Variants in TRMT61B observed in about 807,000 individuals in gnomAD.
TRMT61B encodes the protein tRNA (adenine(58)-N(1))-methyltransferase, mitochondrial.
TRMT61B carries 56 observed loss-of-function variants against 52.0 expected under a neutral mutation model. The observed-to-expected ratio is 1.08, with a 90% CI of 0.87 to 1.35. The LOEUF (loss-of-function observed/expected upper bound fraction) is 1.35. TRMT61B is among the 40% of genes most tolerant of loss of function. TRMT61B has a pLI of 0.00. For missense variants in TRMT61B, 650 were observed against 577.9 expected, an observed-to-expected ratio of 1.12 and a Z score of -1.28; for synonymous variants, 206 against 220.0, an observed-to-expected ratio of 0.94 and a Z score of 0.56.
chr2:28,869,753 G>T lies in TRMT61B; in HGVS notation c.525C>A (p.Asn175Lys), dbSNP rs751427115. The T allele has an allele frequency of 6.2e-7, 1 of 1,614,042 alleles. No individual in the cohort carries two copies. The highest frequency in any genetic ancestry group is 1.3e-5 in the African/African-American group (1 of 74,916). Residue 175 changes from asparagine (N) to lysine (K), a missense_variant, in exon 1 of 7, where the codon AAC becomes AAA. Asn to Lys is a moderately conservative substitution (Grantham distance 94). Coordinates refer to ENST00000306108, the MANE Select transcript of TRMT61B (RefSeq NM_017910.4). ...ETKFKKLFRL[N>K]NFGLLNSNWG... ...AGTTACTATTTAAGAGTCCGAAGTT[G>T]TTCAACCTAAATAATTTCTTAAATT...
chr2:28,869,483 T>C (rs1669989176), intron 1 of TRMT61B, 96 bp downstream of exon 1: 1 of 835,354 alleles, frequency 1.2e-6, no homozygotes, highest in Middle Eastern at 2.3e-4. Context: ...AATCCAAACG[T>C]TCTGAGATGT....
chr2:28,852,037 G>A (rs1339686425), intron 4 of TRMT61B, among the ~76,000 whole-genome samples: 1 of 151,580 alleles, frequency 6.6e-6, no homozygotes, highest in Non-Finnish European at 1.5e-5. Context: ...TTTTGGCTGG[G>A]CGTGGTGGCT....
At chr2:28,858,794 CAAAAAAAAA>C (rs1033258916) in intron 3 of TRMT61B, among the ~76,000 whole-genome samples, 2 of 23,586 alleles carry the variant, frequency 8.5e-5, no homozygotes, top group African/African-American at 1.5e-4. Flanking sequence ...GACTCCGTCT[CAAAAAAAAA>C]AAAAAAAAAA....
At chr2:28,858,575 G>A (rs1669448036) in intron 3 of TRMT61B, among the ~76,000 whole-genome samples, 1 of 151,160 alleles carries the variant, frequency 6.6e-6, no homozygotes, top group South Asian at 2.1e-4. Context: ...CGGGTGGATC[G>A]CTTGAGCCCT....
At chr2:28,856,214 C>T (rs1422133457) in intron 3 of TRMT61B, among the ~76,000 whole-genome samples, 1 of 152,144 alleles carries the variant, frequency 6.6e-6, no homozygotes, top group Non-Finnish European at 1.5e-5. Flanking sequence ...AATCAAGAAG[C>T]CATCATTTTC....
Position 28,869,977 on chromosome 2 carries a change from C to T in TRMT61B, c.301G>A (p.Glu101Lys). The T allele has an allele frequency of 1.2e-6, 2 of 1,613,904 alleles. No homozygotes were observed. The highest frequency in any genetic ancestry group is 1.7e-6 in the Non-Finnish European group (2 of 1,180,034). The change falls in exon 1 of 7, where the codon GAG becomes AAG. Residue 101 changes from glutamate (E) to lysine (K), a missense_variant. Transcript: ENST00000306108. ...PTLREESSPR[E>K]LEDSSGDQGR... ...TGGTCTCCGCTCGAGTCCTCGAGCT[C>T]TCGAGGGGATGACTCTTCCCGCAGC... is the stretch of plus-strand genomic sequence containing the variant.
At chr2:28,853,379 T>C (rs1234885265) in intron 3 of TRMT61B, among the ~76,000 whole-genome samples, 2 of 151,800 alleles carry the variant, frequency 1.3e-5, no homozygotes, top group Non-Finnish European at 2.9e-5. Flanking sequence ...TTTTGCCATG[T>C]TGCCCAGGCT....
chr2:28,851,891 A>C (rs891864773), intron 4 of TRMT61B, among the ~76,000 whole-genome samples: 10 of 149,892 alleles, frequency 6.7e-5, no homozygotes, highest in African/African-American at 2.0e-4. Context: ...AAAAAAAAAA[A>C]AAAAAAAAAA....
chr2:28,850,005 G>A lies in TRMT61B; in HGVS notation c.*194C>T. 1.5e-6 allele frequency: 2 copies of A among 1,340,230 alleles called. No homozygotes were observed. Among genetic ancestry groups the A allele is most frequent in the South Asian group, 1.3e-5 (1 of 79,046 alleles). 83.0% of individuals were successfully genotyped at this position (1,340,230 alleles called of 1,614,324 possible). On this transcript the variant is annotated 3_prime_UTR_variant, in exon 7 of 7. Coordinates refer to ENST00000306108, the MANE Select transcript of TRMT61B (RefSeq NM_017910.4). Reference sequence around the variant, plus strand: ...AAATGTCAAACTAACTGCAAGACAAGTGTCAAAATGGGATGTTTAAGCAGT... The same window carrying A: ...AAATGTCAAACTAACTGCAAGACAAATGTCAAAATGGGATGTTTAAGCAGT...
rs79621292 is a variant in TRMT61B at position 28,850,425 on chromosome 2, G to A, written c.1313-20C>T. ...ATTCTTCTGTTGTAAAAAAATATAT[G>A]TACTATAAGCTACATAAAATATTTT... On this transcript the variant is annotated intron_variant, in intron 5 of 6. Coordinates refer to ENST00000306108, the MANE Select transcript of TRMT61B (RefSeq NM_017910.4). 2.7e-3 allele frequency: 4,054 copies of A among 1,478,400 alleles called. 86 individuals carry two copies. In the African/African-American group the frequency reaches 0.048, roughly 17 times the overall value. The allele number at this position is 1,478,400 out of a possible 1,614,324, so 91.6% of individuals were successfully genotyped here. A position where few individuals can be genotyped will look rare whatever the true frequency, so the allele number is the denominator to read the frequency against.
intron 2 of TRMT61B, 151 bp downstream of exon 2, chr2:28,864,866 T>C (rs1297804627): frequency 1.0e-5 from 6 of 575,862 alleles, no homozygotes; most frequent in Non-Finnish European, 1.2e-5. Flanking sequence ...ATGTACAGAA[T>C]GGAAAGAAAA....
intron 2 of TRMT61B, among the ~76,000 whole-genome samples, chr2:28,862,867 TGTG>T (rs1669669568): frequency 3.2e-5 from 1 of 31,084 alleles, no homozygotes; most frequent in Non-Finnish European, 5.5e-5. Flanking sequence ...TTTGTATTTG[TGTG>T]TGTGTGTGTG....
At chr2:28,860,097 C>A (rs887388245) in intron 3 of TRMT61B, among the ~76,000 whole-genome samples, 5 of 151,498 alleles carry the variant, frequency 3.3e-5, no homozygotes, top group Non-Finnish European at 7.4e-5. Flanking sequence ...CATGGTGAAA[C>A]CCCATCTCTA....
intron 1 of TRMT61B, among the ~76,000 whole-genome samples, chr2:28,867,294 T>A (rs1344558872): frequency 1.3e-5 from 2 of 151,954 alleles, no homozygotes; most frequent in Non-Finnish European, 2.9e-5. Flanking sequence ...AAGGTCTCCC[T>A]ATGTTGCCCC....
intron 2 of TRMT61B, chr2:28,861,511 C>G (rs1669596901): frequency 1.9e-6 from 1 of 522,168 alleles, no homozygotes; most frequent in Admixed American, 3.7e-5. Context: ...ATTTACCTTT[C>G]CCATGATAGT....
chr2:28,852,724 T>G (rs1669175577), intron 3 of TRMT61B, among the ~76,000 whole-genome samples: 1 of 151,910 alleles, frequency 6.6e-6, no homozygotes, highest in African/African-American at 2.4e-5. Context: ...TTTGGGAGGC[T>G]GAGGCAAGAG....
chr2:28,867,873 C>A (rs1044368008), intron 1 of TRMT61B, among the ~76,000 whole-genome samples: 16 of 151,862 alleles, frequency 1.1e-4, no homozygotes, highest in African/African-American at 3.9e-4. Context: ...CAAGTTAGGG[C>A]GACCCCAACT....
rs1381188607 is a variant in TRMT61B at position 28,867,062 on chromosome 2, G to C, written c.700-1943C>G. 2.0e-5 allele frequency among the ~76,000 whole-genome samples: 3 copies of C among 151,904 alleles called. No homozygotes were observed. In the East Asian group the frequency reaches 5.8e-4, roughly 29 times the overall value. On this transcript the variant is annotated intron_variant, in intron 1 of 6. Transcript: ENST00000306108. ...AATCCTCCTGCCTTGGCCTCACAAA[G>C]CACTGAGATTACAGGTGTGAGTGAC...
intron 2 of TRMT61B, chr2:28,861,620 T>C (rs895760448): frequency 4.7e-6 from 1 of 212,166 alleles, no homozygotes; most frequent in African/African-American, 2.3e-5. Flanking sequence ...TACTTACCAA[T>C]GTCATTTCAG....
Sources: gnomAD v4.1 joint callset for allele counts (sites outside exome capture counted in the v4.1 genomes callset) on GRCh38, gnomAD v4.1.1 for gene constraint, MANE v1.5 for transcripts, NCBI Gene and HGNC (gene_info 2026-07-23, HGNC 2026-07-21) for gene names.